ABCA4: variants seen among roughly 807,000 people sequenced by gnomAD.
The protein encoded by ABCA4 is retinal-specific phospholipid-transporting ATPase ABCA4.
ABCA4 carries 196 observed loss-of-function variants against 263.7 expected under a neutral mutation model. The observed-to-expected ratio is 0.74, with a 90% confidence interval of 0.66 to 0.84. The LOEUF (loss-of-function observed/expected upper bound fraction) is 0.84. Ranked by LOEUF, ABCA4 falls within the 40% of genes least tolerant of loss-of-function variation. ABCA4 has a pLI of 0.00. For missense variants in ABCA4, 2,792 were observed against 2,855.1 expected, an observed-to-expected ratio of 0.98 and a Z score of 0.50; for synonymous variants, 1,133 against 1,094.2, an observed-to-expected ratio of 1.04 and a Z score of -0.70.
intron 48 of ABCA4, 120 bp downstream of exon 48, chr1:93,997,741 G>C: frequency 7.5e-7 from 1 of 1,334,336 alleles, no homozygotes; most frequent in Non-Finnish European, 1.0e-6. Context: ...CCAATAAACA[G>C]AGGGCAAGAG....
chr1:94,078,900 T>A lies in ABCA4; in HGVS notation c.1240-194A>T, dbSNP rs535595849. Among the ~76,000 whole-genome samples the A allele has an allele frequency of 2.4e-4, 37 of 152,322 alleles. No individual in the cohort carries two copies. The South Asian group carries it at 7.3e-3, about 30-fold the overall frequency. On this transcript the variant is annotated intron_variant, in intron 9 of 49. Coordinates refer to ENST00000370225, the MANE Select transcript of ABCA4 (RefSeq NM_000350.3). Reference sequence around the variant, plus strand: ...CCCAACTTCCTGGGCTGACAGAATCTAATTTCTTAGTATCTCAGAAGTCCA... The same window carrying A: ...CCCAACTTCCTGGGCTGACAGAATCAAATTTCTTAGTATCTCAGAAGTCCA...
chr1:94,088,630 T>A (rs1350046594), intron 6 of ABCA4, among the ~76,000 whole-genome samples: 1 of 152,202 alleles, frequency 6.6e-6, no homozygotes, highest in African/African-American at 2.4e-5. Flanking sequence ...GTTCTTCCCA[T>A]CCCATTGTCT....
At chr1:94,001,546 TG>T in intron 45 of ABCA4, 1 of 581,428 alleles carries the variant, frequency 1.7e-6, no homozygotes, top group Non-Finnish European at 3.2e-6. Context: ...TGCTCCTGTA[TG>T]GGGACCAGAC....
chr1:94,028,009 T>C (rs1209788599), intron 30 of ABCA4, among the ~76,000 whole-genome samples: 1 of 152,234 alleles, frequency 6.6e-6, no homozygotes, highest in African/African-American at 2.4e-5. Flanking sequence ...AGTTTGGGGT[T>C]GTCATCACTT....
chr1:94,005,730 G>A, intron 43 of ABCA4, 148 bp from the exon 44 acceptor site: 2 of 715,116 alleles, frequency 2.8e-6, no homozygotes, highest in Non-Finnish European at 4.6e-6. Flanking sequence ...GGATATTTGG[G>A]AATCAAAACA....
chr1:94,096,997 G>C (rs1256272539), intron 6 of ABCA4, among the ~76,000 whole-genome samples: 3 of 152,242 alleles, frequency 2.0e-5, no homozygotes, highest in Non-Finnish European at 4.4e-5. Context: ...ACTCCTGGCT[G>C]TGCTGGTATT....
In ABCA4 at chr1:94,088,648, C is replaced by T. The variant is rs184810549; in HGVS notation, c.769-5207G>A. Reference sequence around the variant, plus strand: ...CTTCCCATCCCATTGTCTAAATCTCCAGCCTGGAGATCCAGAAATTGGTGC... The same window carrying T: ...CTTCCCATCCCATTGTCTAAATCTCTAGCCTGGAGATCCAGAAATTGGTGC... On this transcript the variant is annotated intron_variant, in intron 6 of 49. Transcript: ENST00000370225. Among the ~76,000 whole-genome samples, 164 of 152,292 alleles carry T rather than the reference C, an allele frequency of 1.1e-3. 1 individual carries two copies. Among genetic ancestry groups the T allele is most frequent in the African/African-American group, 3.7e-3 (154 of 41,552 alleles).
Position 94,055,203 on chromosome 1 carries a change from T to C in ABCA4, c.2495A>G (p.Asp832Gly), listed in dbSNP as rs1660941624. The C allele has an allele frequency of 6.2e-7, 1 of 1,614,062 alleles. No homozygotes were observed. The highest frequency in any genetic ancestry group is 8.5e-7 in the Non-Finnish European group (1 of 1,179,990). ...CATGGACAGCAGGAAGCTGAATTCG[T>C]CCCCTTCCGTGGGACTGTTCCCGAT... ...SNIGNSPTEG[D>G]EFSFLLSMQM... Residue 832 changes from aspartate to glycine, a missense_variant, in exon 16 of 50, where the codon GAC (aspartate) becomes GGC (glycine). Asp to Gly is a moderately conservative substitution (Grantham distance 94). Transcript: ENST00000370225.
chr1:94,014,232 A>C (rs750377930), intron 38 of ABCA4, among the ~76,000 whole-genome samples: 28 of 151,302 alleles, frequency 1.9e-4, no homozygotes, highest in Non-Finnish European at 3.4e-4. Flanking sequence ...AGGGAGGATG[A>C]AAGGAAAAAG....
chr1:94,043,314 G>T, intron 21 of ABCA4, 22 bp downstream of exon 21: 1 of 1,613,898 alleles, frequency 6.2e-7, no homozygotes, highest in South Asian at 1.1e-5. Context: ...CTGTGGCCCT[G>T]TCTCCATCCA....
chr1:94,047,362 A>G (rs940573225), intron 18 of ABCA4, among the ~76,000 whole-genome samples: 7 of 152,230 alleles, frequency 4.6e-5, no homozygotes, highest in Non-Finnish European at 1.0e-4. Flanking sequence ...GTAGACATTT[A>G]TTAGGCTCAT....
chr1:93,995,451 T>C (rs1320228555), intron 49 of ABCA4, among the ~76,000 whole-genome samples: 1 of 152,200 alleles, frequency 6.6e-6, no homozygotes, highest in African/African-American at 2.4e-5. Flanking sequence ...CTCCAGTACT[T>C]GCTCTAGCTC....
At chr1:94,087,733 T>C (rs1343754249) in intron 6 of ABCA4, among the ~76,000 whole-genome samples, 1 of 152,204 alleles carries the variant, frequency 6.6e-6, no homozygotes, top group Non-Finnish European at 1.5e-5. Flanking sequence ...ACCCACGGTT[T>C]CTCTGACTTT....
chr1:94,044,793 G>A (rs552998744), intron 19 of ABCA4, 49 bp from the exon 20 acceptor site: 2 of 1,613,980 alleles, frequency 1.2e-6, no homozygotes, highest in Non-Finnish European at 1.7e-6. Context: ...TTAGCAACAT[G>A]CCTTAGGAGG....
At chr1:94,047,810 GC>G (rs1432866713) in intron 18 of ABCA4, among the ~76,000 whole-genome samples, 1 of 151,904 alleles carries the variant, frequency 6.6e-6, no homozygotes, top group African/African-American at 2.4e-5. Context: ...TTCCTCCCAT[GC>G]CCCCTCCAGT....
intron 4 of ABCA4, among the ~76,000 whole-genome samples, chr1:94,103,355 A>G (rs1662336619): frequency 1.3e-5 from 2 of 152,024 alleles, no homozygotes; most frequent in African/African-American, 4.8e-5. Context: ...TTTAGTAAGA[A>G]GGTGGAAAAA....
At chr1:94,010,755 G>T in intron 40 of ABCA4, 45 bp downstream of exon 40, 2 of 1,613,878 alleles carry the variant, frequency 1.2e-6, no homozygotes, top group South Asian at 1.1e-5. Flanking sequence ...TCCAGTTCTG[G>T]ATGCCCTGAG....
chr1:94,089,131 T>C (rs1382388815), intron 6 of ABCA4, among the ~76,000 whole-genome samples: 1 of 152,210 alleles, frequency 6.6e-6, no homozygotes, highest in Admixed American at 6.5e-5. Flanking sequence ...CCATATCTAT[T>C]CAGATCTCTG....
chr1:94,105,426 AG>A (rs1662403662), intron 4 of ABCA4, among the ~76,000 whole-genome samples: 1 of 152,090 alleles, frequency 6.6e-6, no homozygotes, highest in Non-Finnish European at 1.5e-5. Flanking sequence ...CTGGGGGGGA[AG>A]GGGGAGTGTG....
Sources: gnomAD v4.1 joint callset for allele counts (sites outside exome capture counted in the v4.1 genomes callset) on GRCh38, gnomAD v4.1.1 for gene constraint, MANE v1.5 for transcripts, NCBI Gene and HGNC (gene_info 2026-07-23, HGNC 2026-07-21) for gene names.